The following PCDHGA3 variants were observed in gnomAD, a reference collection of about 807,000 sequenced individuals.
The protein encoded by PCDHGA3 is protocadherin gamma-A3.
A neutral mutation model predicts 58.5 loss-of-function variants in PCDHGA3; 40 were observed. That is an observed-to-expected ratio of 0.68 (90% CI 0.53 to 0.89). The LOEUF is 0.89. Ranked by LOEUF, PCDHGA3 falls within the 40% of genes least tolerant of loss-of-function variation. The pLI, the probability that PCDHGA3 is intolerant of heterozygous loss-of-function variation, is 0.00. For synonymous variants in PCDHGA3, 530 were observed against 525.7 expected, an observed-to-expected ratio of 1.01 and a Z score of -0.11; for missense variants, 1,223 against 1,195.9, an observed-to-expected ratio of 1.02 and a Z score of -0.33.
In PCDHGA3 at chr5:141,431,797, A is replaced by T. The variant is rs754056771; in HGVS notation, c.2425-63010A>T. 6.2e-7 allele frequency: 1 copy of T among 1,614,256 alleles called. No homozygotes were observed. The highest frequency in any genetic ancestry group is 2.2e-5 in the East Asian group (1 of 44,882). ...TGGACGTGAACGACAATGCCCCAGAAGTGGTCCTCACCTCTCTCGCCAGCT... is the reference window on the plus strand; with the variant it reads ...TGGACGTGAACGACAATGCCCCAGATGTGGTCCTCACCTCTCTCGCCAGCT... On this transcript the variant is annotated intron_variant, in intron 1 of 3. Coordinates refer to ENST00000253812, the MANE Select transcript of PCDHGA3 (RefSeq NM_018916.4). This position sits in a 1 kb window ranked among gnomAD's most constrained non-coding sequence, Gnocchi z 4.8.
At chr5:141,387,354 CA>C (rs1037365285) in intron 1 of PCDHGA3, among the ~76,000 whole-genome samples, 7 of 152,004 alleles carry the variant, frequency 4.6e-5, no homozygotes, top group African/African-American at 1.7e-4. Context: ...CGGTTTAGGC[CA>C]AGTCTGTGTT....
Position 141,486,955 on chromosome 5 carries a change from T to A in PCDHGA3, c.2425-7852T>A, listed in dbSNP as rs1459820579. 1.9e-6 allele frequency: 3 copies of A among 1,614,128 alleles called. No individual in the cohort carries two copies. The highest frequency in any genetic ancestry group is 2.5e-6 in the Non-Finnish European group (3 of 1,180,048). ...CTGGCCACCTAATCACAAAGGTGACTGCTGTGGACTTGGATTCAGGTTACA... is the reference window on the plus strand; with the variant it reads ...CTGGCCACCTAATCACAAAGGTGACAGCTGTGGACTTGGATTCAGGTTACA... On this transcript the variant is annotated intron_variant, in intron 1 of 3. Coordinates refer to ENST00000253812, the MANE Select transcript of PCDHGA3 (RefSeq NM_018916.4). This position sits in a 1 kb window ranked among gnomAD's most constrained non-coding sequence, Gnocchi z 5.0.
chr5:141,419,240 G>C (rs753956971), intron 1 of PCDHGA3: 1 of 1,613,980 alleles, frequency 6.2e-7, no homozygotes, highest in South Asian at 1.1e-5. Flanking sequence ...CCTGGTCCAC[G>C]TGCCAGAAAA....
At chr5:141,443,499 A>T (rs533910381) in intron 1 of PCDHGA3, among the ~76,000 whole-genome samples, 1 of 152,268 alleles carries the variant, frequency 6.6e-6, no homozygotes, top group African/African-American at 2.4e-5. Context: ...ACAAACAAAC[A>T]AATAAAGAGC....
chr5:141,372,210 T>A, intron 1 of PCDHGA3: 3 of 1,613,574 alleles, frequency 1.9e-6, no homozygotes, highest in Non-Finnish European at 2.5e-6. Flanking sequence ...CTGGCTGTCC[T>A]ACCACATTGT....
At chr5:141,349,420 G>A (rs1332927767) in intron 1 of PCDHGA3, among the ~76,000 whole-genome samples, 1 of 151,986 alleles carries the variant, frequency 6.6e-6, no homozygotes, top group Non-Finnish European at 1.5e-5. Context: ...TAAAACAAAT[G>A]TACATTATAT....
rs774151451 is a variant in PCDHGA3 at position 141,374,148 on chromosome 5, C to A, written c.2424+27691C>A. On this transcript the variant is annotated intron_variant, in intron 1 of 3. Coordinates refer to ENST00000253812, the MANE Select transcript of PCDHGA3 (RefSeq NM_018916.4). The stretch of plus-strand genomic sequence containing the variant: ...GTCCTGCTCCTCACGCTCCTGGGGA[C>A]GCTGTGGGGGGCCGCGGCAGCGCAG... 1.2e-6 allele frequency: 2 copies of A among 1,611,000 alleles called. No individual in the cohort carries two copies. Among genetic ancestry groups the A allele is most frequent in the African/African-American group, 2.7e-5 (2 of 74,910 alleles).
rs779949480 is a variant in PCDHGA3, at chr5:141,489,768, C to G, written c.2425-5039C>G. The G allele has an allele frequency of 6.2e-7, 1 of 1,614,134 alleles. No individual in the cohort carries two copies. The highest frequency in any genetic ancestry group is 1.1e-5 in the South Asian group (1 of 91,072). On this transcript the variant is annotated intron_variant, in intron 1 of 3. Coordinates refer to ENST00000253812, the MANE Select transcript of PCDHGA3 (RefSeq NM_018916.4). The surrounding 1 kb of genome is among the most constrained non-coding windows in gnomAD (Gnocchi z 4.5). ...GCTTTTACACTCTAAGCCCCAACAG[C>G]CACTTCTCTCTGAATGTGAAGACCC...
chr5:141,351,862 C>T (rs150984625), intron 1 of PCDHGA3: 33 of 1,613,236 alleles, frequency 2.0e-5, no homozygotes, highest in South Asian at 3.3e-5. Context: ...GGGACCAGGG[C>T]TCCCCCGCGC....
At chr5:141,395,535 C>T in intron 1 of PCDHGA3, 1 of 331,902 alleles carries the variant, frequency 3.0e-6, no homozygotes, top group Non-Finnish European at 5.4e-6. Flanking sequence ...GGTAATTTTG[C>T]TATTGTTTGT....
intron 1 of PCDHGA3, among the ~76,000 whole-genome samples, chr5:141,401,328 G>A (rs919361243): frequency 3.3e-5 from 5 of 151,962 alleles, no homozygotes; most frequent in Non-Finnish European, 7.4e-5. Context: ...GGCAACAAGA[G>A]CAAAACTCCA....
intron 1 of PCDHGA3, chr5:141,400,189 CT>C (rs770137840): frequency 5.6e-6 from 9 of 1,614,056 alleles, no homozygotes; most frequent in Non-Finnish European, 7.6e-6. Context: ...GCAGTTTTAC[CT>C]AGTGGTGGCC....
At chr5:141,368,697 G>A (rs1765805391) in intron 1 of PCDHGA3, among the ~76,000 whole-genome samples, 1 of 152,072 alleles carries the variant, frequency 6.6e-6, no homozygotes, top group Admixed American at 6.5e-5. Flanking sequence ...ACTATAAAAT[G>A]CTTGATCCAT....
rs1008039711 is a variant in PCDHGA3 at position 141,394,856 on chromosome 5, G to C, written c.2424+48399G>C. 4 of 1,613,674 alleles carry C rather than the reference G, an allele frequency of 2.5e-6. No individual in the cohort carries two copies. In the African/African-American group the frequency reaches 5.3e-5, roughly 22 times the overall value. On this transcript the variant is annotated intron_variant, in intron 1 of 3. Coordinates refer to ENST00000253812, the MANE Select transcript of PCDHGA3 (RefSeq NM_018916.4). ...CCGAGTTGGGCAGTCTGAAGCCTTC[G>C]GTCGACCCGAACGATTCGAGCCTTA... is the stretch of plus-strand genomic sequence containing the variant.
chr5:141,424,036 C>A, intron 1 of PCDHGA3: 1 of 1,029,606 alleles, frequency 9.7e-7, no homozygotes, highest in Non-Finnish European at 1.2e-6. Context: ...CTTTTTATTT[C>A]CATTTCAATT....
At position 141,466,670 on chromosome 5, in the gene PCDHGA3, G is replaced by C. The variant is rs994949602; in HGVS notation, c.2425-28137G>C. On this transcript the variant is annotated intron_variant, in intron 1 of 3. Transcript: ENST00000253812. ...TTCACAAAACATCAGTGATTTCACC[G>C]TTCTTCCACTCAAGCTTCATCATAA... Among the ~76,000 whole-genome samples, 3 of 152,046 alleles carry C rather than the reference G, an allele frequency of 2.0e-5. No homozygotes were observed. The South Asian group carries it at 6.2e-4, about 32-fold the overall frequency.
intron 1 of PCDHGA3, chr5:141,410,459 A>C (rs2095396770): frequency 6.2e-7 from 1 of 1,613,864 alleles, no homozygotes; most frequent in Admixed American, 1.7e-5. Context: ...TTATTCTTAT[A>C]ATCTGTGCAT....
At chr5:141,475,322 G>A (rs1352768659) in intron 1 of PCDHGA3, among the ~76,000 whole-genome samples, 1 of 152,204 alleles carries the variant, frequency 6.6e-6, no homozygotes, top group African/African-American at 2.4e-5. Flanking sequence ...CTTAAGAAAT[G>A]AGAGCTAACA....
chr5:141,398,266 G>C, intron 1 of PCDHGA3: 1 of 1,439,368 alleles, frequency 6.9e-7, no homozygotes, highest in Non-Finnish European at 9.5e-7. Flanking sequence ...GGGCTCCGTA[G>C]TGGGGAACCT....
Sources: allele counts gnomAD v4.1 joint callset (sites outside exome capture counted in the v4.1 genomes callset), GRCh38; gene constraint gnomAD v4.1.1; non-coding constraint Gnocchi (gnomAD v3.1); transcripts MANE v1.5; gene names NCBI Gene and HGNC (gene_info 2026-07-23, HGNC 2026-07-21).